Variants in CYRIA observed in about 807,000 individuals in gnomAD.
CYRIA encodes CYFIP related Rac1 interactor A.
A neutral mutation model predicts 43.9 loss-of-function variants in CYRIA; 15 were observed. The ratio of observed to expected loss-of-function variants is 0.34; its 90% CI spans 0.23 to 0.53. The LOEUF is 0.53. Among genes scored for constraint, CYRIA ranks in the 20% least tolerant of loss-of-function variants. The pLI, the probability that CYRIA is intolerant of heterozygous loss-of-function variation, is 0.94. For missense variants in CYRIA, 236 were observed against 394.2 expected, an observed-to-expected ratio of 0.60 and a Z score of 3.40; for synonymous variants, 117 against 136.0, an observed-to-expected ratio of 0.86 and a Z score of 0.97.
At chr2:16,615,992 T>C (rs1668772932) in intron 2 of CYRIA, among the ~76,000 whole-genome samples, 1 of 152,224 alleles carries the variant, frequency 6.6e-6, no homozygotes, top group Admixed American at 6.5e-5. Context: ...CGATTATCGC[T>C]GTGTGAGATC....
At chr2:16,618,119 C>T (rs13385971) in intron 2 of CYRIA, among the ~76,000 whole-genome samples, 2 of 152,062 alleles carry the variant, frequency 1.3e-5, no homozygotes, top group East Asian at 3.9e-4. Flanking sequence ...GCTTCCTTGG[C>T]GAGGTAGTCT....
At chr2:16,618,788 C>T (rs1033433156) in intron 2 of CYRIA, among the ~76,000 whole-genome samples, 3 of 152,158 alleles carry the variant, frequency 2.0e-5, no homozygotes, top group Non-Finnish European at 1.5e-5. Context: ...AGCGGACCCC[C>T]GAAGGGAAAG....
At chr2:16,624,107 G>C (rs1055070905) in intron 1 of CYRIA, 88 bp from the exon 2 acceptor site, 2 of 152,248 alleles carry the variant, frequency 1.3e-5, no homozygotes, top group Admixed American at 6.5e-5. Context: ...AGAGCAGAGA[G>C]TCACAAGATC....
intron 1 of CYRIA, among the ~76,000 whole-genome samples, chr2:16,633,176 T>C (rs1178813488): frequency 6.6e-6 from 1 of 152,174 alleles, no homozygotes; most frequent in Non-Finnish European, 1.5e-5. Flanking sequence ...AGCCCAAATG[T>C]GATTTACTGC....
intron 2 of CYRIA, among the ~76,000 whole-genome samples, chr2:16,621,216 G>A (rs570209693): frequency 3.3e-5 from 5 of 152,196 alleles, no homozygotes; most frequent in Admixed American, 6.5e-5. Context: ...AAGACCAATA[G>A]TCTATCATGT....
intron 2 of CYRIA, among the ~76,000 whole-genome samples, chr2:16,609,621 C>T (rs1257303997): frequency 6.6e-6 from 1 of 152,210 alleles, no homozygotes; most frequent in Non-Finnish European, 1.5e-5. Context: ...TTTACTCCCA[C>T]TCCCCAGTAA....
intron 4 of CYRIA, among the ~76,000 whole-genome samples, 185 bp from the exon 5 acceptor site, chr2:16,564,279 A>G (rs547286643): frequency 1.3e-5 from 2 of 152,306 alleles, no homozygotes; most frequent in Non-Finnish European, 1.5e-5. Context: ...TAACACTTGA[A>G]CATACAGCAA....
chr2:16,638,122 G>A (rs116268206), intron 1 of CYRIA, among the ~76,000 whole-genome samples: 1,888 of 152,250 alleles, frequency 0.012, 40 homozygotes, highest in African/African-American at 0.043. Flanking sequence ...TACCTGTTAG[G>A]TAAAGCCTTT....
intron 2 of CYRIA, among the ~76,000 whole-genome samples, chr2:16,615,874 A>G (rs1668767728): frequency 6.6e-6 from 1 of 152,224 alleles, no homozygotes; most frequent in African/African-American, 2.4e-5. Flanking sequence ...TCCCTGGTGC[A>G]AACTGGGAGG....
chr2:16,593,096 ATAC>A (rs1177060802), intron 2 of CYRIA, among the ~76,000 whole-genome samples: 1 of 152,176 alleles, frequency 6.6e-6, no homozygotes, highest in African/African-American at 2.4e-5. Flanking sequence ...AGCACCATGT[ATAC>A]TGTAAAGGGC....
intron 1 of CYRIA, among the ~76,000 whole-genome samples, chr2:16,661,852 C>T (rs1670264330): frequency 6.6e-6 from 1 of 152,122 alleles, no homozygotes; most frequent in African/African-American, 2.4e-5. Flanking sequence ...CTTTACCTTT[C>T]CCCATTTTCT....
chr2:16,567,347 T>G (rs1286305659), intron 3 of CYRIA, among the ~76,000 whole-genome samples: 1 of 152,042 alleles, frequency 6.6e-6, no homozygotes, highest in Non-Finnish European at 1.5e-5. Context: ...GAGGTTGCAA[T>G]GAACTGAGAT....
chr2:16,560,770 T>G, intron 9 of CYRIA: 1 of 565,278 alleles, frequency 1.8e-6, no homozygotes. Context: ...GCTATGCAGT[T>G]GTTGGGAAGT....
At chr2:16,659,721 CT>C (rs1162915430) in intron 1 of CYRIA, among the ~76,000 whole-genome samples, 1 of 152,212 alleles carries the variant, frequency 6.6e-6, no homozygotes, top group Admixed American at 6.5e-5. Flanking sequence ...GGGATAAGAG[CT>C]TGTCACTCAT....
intron 1 of CYRIA, among the ~76,000 whole-genome samples, chr2:16,663,945 G>A (rs917371255): frequency 3.3e-5 from 5 of 152,146 alleles, no homozygotes; most frequent in Non-Finnish European, 7.3e-5. Flanking sequence ...TCCATTCATT[G>A]AACCAAAACT....
chr2:16,647,949 G>A (rs752684661), intron 1 of CYRIA, among the ~76,000 whole-genome samples: 3 of 152,156 alleles, frequency 2.0e-5, no homozygotes, highest in Non-Finnish European at 4.4e-5. Flanking sequence ...GAGGCCCACG[G>A]CCCTGTCCAA....
At chr2:16,656,794 C>T (rs1031373180) in intron 1 of CYRIA, among the ~76,000 whole-genome samples, 2 of 152,216 alleles carry the variant, frequency 1.3e-5, no homozygotes, top group Non-Finnish European at 1.5e-5. Flanking sequence ...CCATTAGGGC[C>T]ACTGCCAATG....
intron 2 of CYRIA, among the ~76,000 whole-genome samples, chr2:16,606,515 C>A (rs1026146242): frequency 6.6e-6 from 1 of 151,288 alleles, no homozygotes; most frequent in Non-Finnish European, 1.5e-5. Flanking sequence ...GGAATTAAAT[C>A]TCTTCCATTC....
chr2:16,657,265 C>T lies in CYRIA; in HGVS notation c.-167+8515G>A, dbSNP rs115235054. 6.7e-3 allele frequency among the ~76,000 whole-genome samples: 1,024 copies of T among 152,302 alleles called. 4 individuals are homozygous for T. The highest frequency in any genetic ancestry group is 0.011 in the Non-Finnish European group (771 of 68,030). The stretch of plus-strand genomic sequence containing the variant: ...GAGGCTTTTCACTTCCCCATGCTCA[C>T]TCTTTCAGCCCTGGCTCTTCCTCAC... On this transcript the variant is annotated intron_variant, in intron 1 of 11. Coordinates refer to ENST00000381323, the MANE Select transcript of CYRIA (RefSeq NM_030797.4).
Sources: allele counts gnomAD v4.1 joint callset (sites outside exome capture counted in the v4.1 genomes callset), GRCh38; gene constraint gnomAD v4.1.1; transcripts MANE v1.5; gene names NCBI Gene and HGNC (gene_info 2026-07-23, HGNC 2026-07-21).